The following KCNJ5 variants were observed in gnomAD, a reference collection of about 807,000 sequenced individuals.
KCNJ5 encodes potassium inwardly rectifying channel subfamily J member 5.
In KCNJ5, 12 loss-of-function variants were observed where a neutral mutation model predicts 20.2. The observed-to-expected ratio is 0.59, with a 90% confidence interval of 0.38 to 0.96. The LOEUF (loss-of-function observed/expected upper bound fraction) is 0.96, where lower values mean the gene tolerates loss of function less well. Ranked by LOEUF, KCNJ5 falls within the 40% of genes least tolerant of loss-of-function variation. The pLI is 0.00. For missense variants in KCNJ5, 449 were observed against 557.6 expected (o/e 0.81, Z 1.96); for synonymous variants, 210 against 213.9 (o/e 0.98, Z 0.16).
Position 128,916,550 on chromosome 11 carries a change from C to T in KCNJ5, c.1079C>T (p.Pro360Leu). 6.2e-7 allele frequency: 1 copy of T among 1,614,104 alleles called. No homozygotes were observed. The highest frequency in any genetic ancestry group is 1.1e-5 in the South Asian group (1 of 91,078). The change falls in exon 3 of 3, where the codon CCC (proline) becomes CTC (leucine). Residue 360 changes from proline (P) to leucine (L), a missense_variant. Physicochemically the swap from Pro to Leu is moderately conservative, Grantham distance 98 (BLOSUM62 -3). Around this residue, in one of 5 missense-constraint regions of KCNJ5, gnomAD observed 34 missense variants for 63.8 expected, o/e 0.53. Transcript: ENST00000529694. ...TFHDTYETNT[P>L]SCCAKELAEM... ...CATGATACCTATGAGACCAACACAC[C>T]CAGCTGCTGTGCCAAGGAGCTGGCA...
chr11:128,912,320 C>A, intron 2 of KCNJ5, 110 bp downstream of exon 2: 2 of 832,516 alleles, frequency 2.4e-6, no homozygotes, highest in South Asian at 2.7e-5. Flanking sequence ...TGGGGTGGCG[C>A]AGGCAACACA....
At chr11:128,904,572 C>G (rs368037087) in intron 1 of KCNJ5, 1 of 1,031,954 alleles carries the variant, frequency 9.7e-7, no homozygotes. Flanking sequence ...AACATCACTG[C>G]GGCTTCTTAG....
Position 128,918,341 on chromosome 11 carries a change from A to G in KCNJ5, c.*1610A>G, listed in dbSNP as rs1944620071. On this transcript the variant is annotated 3_prime_UTR_variant, in exon 3 of 3. Transcript: ENST00000529694. ...CGGGGGCAGGGTGAGTGTTAAGAAAAAAAGAGTAGAGAAGAGCCTGAAAAT... is the reference window on the plus strand; with the variant it reads ...CGGGGGCAGGGTGAGTGTTAAGAAAGAAAGAGTAGAGAAGAGCCTGAAAAT... The G allele has an allele frequency of 6.6e-6, 1 of 152,164 alleles. No homozygotes were observed. Among genetic ancestry groups the G allele is most frequent in the African/African-American group, 2.4e-5 (1 of 41,430 alleles). 9.4% of individuals were successfully genotyped at this position (152,164 alleles called of 1,614,324 possible).
Position 128,911,111 on chromosome 11 carries a change from G to A in KCNJ5, c.-10-153G>A. ...AGGGATACAAAAGAACCCTATAAGA[G>A]AGTGAGGCCCCTGCCCTTGAGGATT... On this transcript the variant is annotated intron_variant, in intron 1 of 2. Transcript: ENST00000529694. The surrounding 1 kb of genome is among the most constrained non-coding windows in gnomAD (Gnocchi z 6.3). 6.0e-6 allele frequency: 4 copies of A among 670,758 alleles called. No homozygotes were observed. 41.6% of individuals were successfully genotyped at this position (670,758 alleles called of 1,614,324 possible).
chr11:128,914,591 A>T (rs1159700622), intron 2 of KCNJ5, among the ~76,000 whole-genome samples: 2 of 151,914 alleles, frequency 1.3e-5, no homozygotes, highest in East Asian at 3.9e-4. Context: ...GAGTAGCACA[A>T]CTCTGCCGTA....
intron 2 of KCNJ5, among the ~76,000 whole-genome samples, chr11:128,915,991 TG>T (rs1478828846): frequency 0.014 from 23 of 1,592 alleles, no homozygotes; most frequent in Admixed American, 0.11. Context: ...GATGATTGGA[TG>T]GATGGATGGA....
chr11:128,907,141 T>A (rs1944431489), intron 1 of KCNJ5, among the ~76,000 whole-genome samples: 1 of 152,178 alleles, frequency 6.6e-6, no homozygotes, highest in Non-Finnish European at 1.5e-5. Context: ...CCTCCATTCC[T>A]CTTCCTCCAA....
intron 1 of KCNJ5, chr11:128,901,568 G>C (rs1024422248): frequency 6.6e-6 from 1 of 152,280 alleles, no homozygotes; most frequent in Non-Finnish European, 1.5e-5. Flanking sequence ...CCCAGGTCAG[G>C]ATGTCTCCGA....
At chr11:128,893,598 G>C (rs1008408895) in intron 1 of KCNJ5, among the ~76,000 whole-genome samples, 6 of 152,226 alleles carry the variant, frequency 3.9e-5, no homozygotes, top group African/African-American at 1.4e-4. Context: ...CTCTCCAAAA[G>C]CTGCTATAAA....
At chr11:128,893,513 A>G (rs1944125886) in intron 1 of KCNJ5, among the ~76,000 whole-genome samples, 1 of 152,204 alleles carries the variant, frequency 6.6e-6, no homozygotes, top group Non-Finnish European at 1.5e-5. Context: ...TTGTCCCCAG[A>G]ACAACGTTCT....
chr11:128,911,189 G>C lies in KCNJ5; in HGVS notation c.-10-75G>C, dbSNP rs1448909421. On this transcript the variant is annotated intron_variant, in intron 1 of 2. Coordinates refer to ENST00000529694, the MANE Select transcript of KCNJ5 (RefSeq NM_000890.5). This position sits in a 1 kb window ranked among gnomAD's most constrained non-coding sequence, Gnocchi z 6.3. ...GAGAAGCCTGGGAGAGCCCCGGGGTGGGGGTGGCCTTCCATCTTGTGTTCT... is the reference window on the plus strand; with the variant it reads ...GAGAAGCCTGGGAGAGCCCCGGGGTCGGGGTGGCCTTCCATCTTGTGTTCT... 1.3e-5 allele frequency: 16 copies of C among 1,194,580 alleles called. No individual in the cohort carries two copies. Among genetic ancestry groups the C allele is most frequent in the Non-Finnish European group, 1.7e-5 (14 of 808,698 alleles). The allele number at this position is 1,194,580 out of a possible 1,614,324, so 74.0% of individuals were successfully genotyped here. A position where few individuals can be genotyped will look rare whatever the true frequency, so the allele number is the denominator to read the frequency against.
chr11:128,898,075 G>T (rs1022186756), intron 1 of KCNJ5, among the ~76,000 whole-genome samples: 1 of 152,154 alleles, frequency 6.6e-6, no homozygotes, highest in African/African-American at 2.4e-5. Context: ...AATGAGTCTT[G>T]AACTTGTGTA....
chr11:128,904,628 C>A, intron 1 of KCNJ5: 2 of 738,270 alleles, frequency 2.7e-6, no homozygotes, highest in Middle Eastern at 6.3e-4. Context: ...AATCAGAACC[C>A]GCATTTTAGC....
chr11:128,895,375 T>G (rs1020173619), intron 1 of KCNJ5, among the ~76,000 whole-genome samples: 3 of 65,532 alleles, frequency 4.6e-5, no homozygotes, highest in Non-Finnish European at 6.3e-5. Context: ...CCTTAGAGTG[T>G]GCCCCCACCC....
chr11:128,914,121 G>A (rs990094959), intron 2 of KCNJ5, among the ~76,000 whole-genome samples: 4 of 150,800 alleles, frequency 2.7e-5, no homozygotes, highest in African/African-American at 9.7e-5. Context: ...GGGCTTGCAG[G>A]TCACCCTGCC....
At chr11:128,895,037 G>A (rs900283026) in intron 1 of KCNJ5, among the ~76,000 whole-genome samples, 4 of 151,548 alleles carry the variant, frequency 2.6e-5, no homozygotes, top group African/African-American at 9.7e-5. Context: ...GCACTTCCTG[G>A]TCACCAGGGA....
In KCNJ5 at chr11:128,908,106, T is replaced by A. The variant is rs77008908; in HGVS notation, c.-10-3158T>A. On this transcript the variant is annotated intron_variant, in intron 1 of 2. Transcript: ENST00000529694. ...GGCTGCATGCTGGTCAGCTCAATGC[T>A]TGCCCTGCAAATTGCCCACTGGGCC... Among the ~76,000 whole-genome samples, 1,157 of 152,358 alleles carry A rather than the reference T, an allele frequency of 7.6e-3. 13 individuals carry two copies. The highest frequency in any genetic ancestry group is 0.026 in the African/African-American group (1,087 of 41,586).
chr11:128,901,627 T>A (rs988693029), intron 1 of KCNJ5: 3 of 152,200 alleles, frequency 2.0e-5, no homozygotes, highest in African/African-American at 7.2e-5. Context: ...CAGTCCTGCA[T>A]CCTCGTCAAC....
Position 128,911,381 on chromosome 11 carries a change from C to G in KCNJ5, c.108C>G (p.Ala36=), listed in dbSNP as rs368178459. 1 of 1,614,110 alleles carries G rather than the reference C, an allele frequency of 6.2e-7. No individual in the cohort carries two copies. The highest frequency in any genetic ancestry group is 8.5e-7 in the Non-Finnish European group (1 of 1,180,048). The part of the protein sequence containing the change: ...PKQARDYVPI[A]TDRTRLLAEG... Reference sequence around the variant, plus strand: ...AGGCCCGCGATTATGTCCCCATTGCCACAGACCGTACGCGCCTGCTGGCCG... The same window carrying G: ...AGGCCCGCGATTATGTCCCCATTGCGACAGACCGTACGCGCCTGCTGGCCG... Residue 36 remains alanine (A), a synonymous_variant, in exon 2 of 3, where the codon GCC becomes GCG. Coordinates refer to ENST00000529694, the MANE Select transcript of KCNJ5 (RefSeq NM_000890.5). This position sits in a 1 kb window ranked among gnomAD's most constrained non-coding sequence, Gnocchi z 6.3.
Sources: allele counts gnomAD v4.1 joint callset (sites outside exome capture counted in the v4.1 genomes callset), GRCh38; gene constraint gnomAD v4.1.1; regional missense constraint gnomAD v4.1.1; non-coding constraint Gnocchi (gnomAD v3.1); transcripts MANE v1.5; gene names NCBI Gene and HGNC (gene_info 2026-07-23, HGNC 2026-07-21).